The following AANAT variants were observed in gnomAD, a reference collection of about 807,000 sequenced individuals.
The protein encoded by AANAT is aralkylamine N-acetyltransferase.
In AANAT, 11 loss-of-function variants were observed where a neutral mutation model predicts 15.6. The observed-to-expected ratio is 0.71, with a 90% CI of 0.44 to 1.17. The LOEUF (loss-of-function observed/expected upper bound fraction) is 1.17, where lower values mean the gene tolerates loss of function less well. Ranked by LOEUF, AANAT falls within the 50% of genes most tolerant of loss-of-function variation. AANAT has a pLI of 0.00. For missense variants in AANAT, 286 were observed against 296.3 expected (o/e 0.97, Z 0.26); for synonymous variants, 139 against 131.5 (o/e 1.06, Z -0.39).
chr17:76,460,129 A>ATTTTTTTTTTTTTTTTTTTTTT (rs1567863927), intron 2 of AANAT, among the ~76,000 whole-genome samples: 1 of 82,888 alleles, frequency 1.2e-5, no homozygotes. Flanking sequence ...TACTTCAGGA[A>ATTTTTTTTTTTTTTTTTTTTTT]ATTTTTTTTT....
At chr17:76,460,981 A>G (rs2073382901) in intron 2 of AANAT, among the ~76,000 whole-genome samples, 2 of 152,034 alleles carry the variant, frequency 1.3e-5, no homozygotes, top group South Asian at 4.2e-4. Flanking sequence ...CCTGGCCAAC[A>G]TGGTGAAACC....
upstream of AANAT, among the ~76,000 whole-genome samples, chr17:76,465,281 G>A (rs1326165954): frequency 6.6e-6 from 1 of 151,902 alleles, no homozygotes; most frequent in African/African-American, 2.4e-5. Flanking sequence ...CAGTGCAATC[G>A]GTGTCCCTGG....
upstream of AANAT, chr17:76,466,039 G>A (rs2073434379): frequency 1.3e-6 from 1 of 750,014 alleles, no homozygotes; most frequent in Non-Finnish European, 2.3e-6. Context: ...GTTCCCTGAG[G>A]TTCTAGACCT....
rs146067305 is a variant in AANAT, at chr17:76,469,820, C to G, written c.474C>G (p.Leu158=). Residue 158 remains leucine (L), a synonymous_variant, in exon 4 of 4, where the codon CTC becomes CTG. Coordinates refer to ENST00000392492, the MANE Select transcript of AANAT (RefSeq NM_001088.3). This position sits in a 1 kb window ranked among gnomAD's most constrained non-coding sequence, Gnocchi z 5.2. The stretch of plus-strand genomic sequence containing the variant: ...AGCCGGCCGTGCGCCGGGCCGCGCT[C>G]ATGTGCGAGGACGCGCTGGTACCCT... ...GSQPAVRRAA[L]MCEDALVPFY... is the part of the protein sequence containing the mutation. The G allele has an allele frequency of 2.8e-5, 45 of 1,605,124 alleles. No individual in the cohort carries two copies. The African/African-American group carries it at 5.5e-4, about 20-fold the overall frequency.
At chr17:76,466,185 T>A, upstream of AANAT, 3 of 1,536,912 alleles carry the variant, frequency 2.0e-6, no homozygotes, top group Non-Finnish European at 2.6e-6. Context: ...GGAGCCACAG[T>A]CTATGAAGGG....
intron 1 of AANAT, 46 bp from the exon 2 acceptor site, chr17:76,468,626 C>G: frequency 6.7e-7 from 1 of 1,483,716 alleles, no homozygotes; most frequent in Non-Finnish European, 9.0e-7. Context: ...GGCCTGCCTC[C>G]CTGGAGATGA....
At chr17:76,466,610 GT>G (rs939936418), upstream of AANAT, among the ~76,000 whole-genome samples, 52 of 152,334 alleles carry the variant, frequency 3.4e-4, no homozygotes, top group African/African-American at 1.2e-3. Flanking sequence ...AGCCGTGGCA[GT>G]GCATGTCAGG....
intron 1 of AANAT, among the ~76,000 whole-genome samples, chr17:76,458,650 C>G (rs2073360617): frequency 6.6e-6 from 1 of 152,118 alleles, no homozygotes. Flanking sequence ...GTGAACTGGT[C>G]TCAGGGAAGC....
At chr17:76,455,423 C>G (rs2073334796) in intron 1 of AANAT, among the ~76,000 whole-genome samples, 1 of 152,196 alleles carries the variant, frequency 6.6e-6, no homozygotes, top group Non-Finnish European at 1.5e-5. Context: ...TGCACTCCAG[C>G]TTGGGTGACA....
chr17:76,457,473 G>A (rs1392846744), intron 1 of AANAT, among the ~76,000 whole-genome samples: 4 of 152,188 alleles, frequency 2.6e-5, no homozygotes, highest in Non-Finnish European at 4.4e-5. Flanking sequence ...CGGCACTCCT[G>A]GAAGACGTGT....
At chr17:76,454,362 G>T (rs1237385405) in intron 1 of AANAT, among the ~76,000 whole-genome samples, 1 of 150,980 alleles carries the variant, frequency 6.6e-6, no homozygotes, top group African/African-American at 2.4e-5. Flanking sequence ...GCACATGGCT[G>T]TAGTCCCAGC....
In AANAT at chr17:76,469,993, C is replaced by T; in HGVS notation, c.*23C>T. On this transcript the variant is annotated 3_prime_UTR_variant, in exon 4 of 4. Transcript: ENST00000392492. This position sits in a 1 kb window ranked among gnomAD's most constrained non-coding sequence, Gnocchi z 5.2. ...TGAACTGGGCTGCCCACCTGGCTGC[C>T]AACATGATCCCCGTCTCTGCCCTGG... 2 of 1,450,480 alleles carry T rather than the reference C, an allele frequency of 1.4e-6. No homozygotes were observed. Among genetic ancestry groups the T allele is most frequent in the East Asian group, 5.2e-5 (2 of 38,830 alleles). 89.9% of individuals were successfully genotyped at this position (1,450,480 alleles called of 1,614,324 possible). A position where few individuals can be genotyped will look rare whatever the true frequency, so the allele number is the denominator to read the frequency against.
At chr17:76,466,293 C>T, upstream of AANAT, 3 of 1,421,330 alleles carry the variant, frequency 2.1e-6, no homozygotes, top group African/African-American at 2.8e-5. Context: ...CCAAGGAGGT[C>T]TCTGGTCGGT....
chr17:76,455,163 C>T (rs535042532), intron 1 of AANAT, among the ~76,000 whole-genome samples: 9 of 151,702 alleles, frequency 5.9e-5, no homozygotes, highest in South Asian at 2.1e-4. Flanking sequence ...CAGTGGCTCA[C>T]GCCTGAAATC....
intron 1 of AANAT, among the ~76,000 whole-genome samples, chr17:76,454,440 G>A (rs1270282031): frequency 2.0e-5 from 3 of 149,938 alleles, no homozygotes; most frequent in Admixed American, 6.6e-5. Flanking sequence ...AGCCCAGATC[G>A]CGCCACTGCA....
Position 76,469,776 on chromosome 17 carries a change from C to T in AANAT, c.430C>T (p.Leu144=). 2 of 1,589,804 alleles carry T rather than the reference C, an allele frequency of 1.3e-6. No individual in the cohort carries two copies. The highest frequency in any genetic ancestry group is 1.7e-6 in the Non-Finnish European group (2 of 1,169,328). ...GGGCCCCATCCTGCTGTGGCGCTAC[C>T]TGCACCACCTGGGCAGCCAGCCGGC... ...GRGPILLWRY[L]HHLGSQPAVR... The change falls in exon 4 of 4, where the codon CTG becomes TTG. Residue 144 remains leucine, a synonymous_variant. Transcript: ENST00000392492. The surrounding 1 kb of genome is among the most constrained non-coding windows in gnomAD (Gnocchi z 5.2).
chr17:76,464,064 G>C (rs1476028896), upstream of AANAT, among the ~76,000 whole-genome samples: 1 of 152,142 alleles, frequency 6.6e-6, no homozygotes, highest in Non-Finnish European at 1.5e-5. Context: ...GTCCTGCCTG[G>C]GTGCGGTGGC....
upstream of AANAT, among the ~76,000 whole-genome samples, chr17:76,462,783 A>G (rs2073401220): frequency 6.6e-6 from 1 of 152,190 alleles, no homozygotes; most frequent in Non-Finnish European, 1.5e-5. Context: ...TGAGAGAGAA[A>G]GTGACCATCG....
At chr17:76,466,158 C>T, upstream of AANAT, 1 of 1,536,490 alleles carries the variant, frequency 6.5e-7, no homozygotes, top group Non-Finnish European at 8.7e-7. Flanking sequence ...TTAGGATTGG[C>T]CACCAGGGGG....
Sources: gnomAD v4.1 joint callset for allele counts (sites outside exome capture counted in the v4.1 genomes callset) on GRCh38, gnomAD v4.1.1 for gene constraint, Gnocchi (gnomAD v3.1) non-coding constraint, MANE v1.5 for transcripts, NCBI Gene and HGNC (gene_info 2026-07-23, HGNC 2026-07-21) for gene names.